TANC2: variants seen among roughly 807,000 people sequenced by gnomAD.
The protein encoded by TANC2 is tetratricopeptide repeat, ankyrin repeat and coiled-coil containing 2.
In TANC2, 26 loss-of-function variants were observed where a neutral mutation model predicts 210.5. That is an observed-to-expected ratio of 0.12 (90% confidence interval 0.09 to 0.17). The LOEUF (loss-of-function observed/expected upper bound fraction) is 0.17. Ranked by LOEUF, TANC2 falls within the 10% of genes least tolerant of loss-of-function variation. The probability of loss-of-function intolerance (pLI) is 1.00; values close to 1 mark genes in which losing one functional copy is unlikely to be tolerated. For missense variants in TANC2, 2,129 were observed against 2,608.9 expected (o/e 0.82, Z 4.01); for synonymous variants, 931 against 967.1 (o/e 0.96, Z 0.69).
intron 2 of TANC2, among the ~76,000 whole-genome samples, chr17:63,059,660 A>G (rs1225206033): frequency 1.3e-5 from 2 of 151,646 alleles, no homozygotes; most frequent in Non-Finnish European, 2.9e-5. Context: ...TTTCTTGTCA[A>G]CCTCAGAATG....
At chr17:63,020,486 A>G (rs550327999) in intron 2 of TANC2, among the ~76,000 whole-genome samples, 8 of 152,234 alleles carry the variant, frequency 5.3e-5, no homozygotes, top group African/African-American at 1.9e-4. Flanking sequence ...AATTTTTTTT[A>G]TAGAGACGAG....
chr17:63,384,591 T>C (rs2047717326), intron 15 of TANC2, among the ~76,000 whole-genome samples: 1 of 152,164 alleles, frequency 6.6e-6, no homozygotes, highest in Admixed American at 6.5e-5. Flanking sequence ...TTTATATCTT[T>C]CCCTTACCCC....
At chr17:63,394,245 C>A (rs1326584734) in intron 17 of TANC2, among the ~76,000 whole-genome samples, 1 of 152,078 alleles carries the variant, frequency 6.6e-6, no homozygotes, top group Non-Finnish European at 1.5e-5. Context: ...TATTTTATTC[C>A]ATAGCCTGAA....
intron 3 of TANC2, among the ~76,000 whole-genome samples, chr17:63,082,010 A>G (rs1285961439): frequency 7.4e-6 from 1 of 134,560 alleles, no homozygotes; most frequent in Non-Finnish European, 1.5e-5. Context: ...CTAAAAATAC[A>G]AAAAAAAAAA....
chr17:63,076,981 T>G (rs1217798057), intron 3 of TANC2, among the ~76,000 whole-genome samples: 1 of 152,170 alleles, frequency 6.6e-6, no homozygotes, highest in Non-Finnish European at 1.5e-5. Context: ...AAAGAAATCA[T>G]CAAGATGATT....
intron 2 of TANC2, among the ~76,000 whole-genome samples, chr17:63,043,194 GTC>G (rs2035255015): frequency 6.6e-6 from 1 of 152,002 alleles, no homozygotes; most frequent in South Asian, 2.1e-4. Context: ...CACGTATCTT[GTC>G]TCTCACATTG....
chr17:63,333,900 A>G (rs1299957759), intron 11 of TANC2: 1 of 152,238 alleles, frequency 6.6e-6, no homozygotes, highest in Non-Finnish European at 1.5e-5. Context: ...ATTTTTAACA[A>G]TAAAGTATTT....
chr17:62,967,763 C>G (rs2031437227), intron 1 of TANC2: 1 of 150,966 alleles, frequency 6.6e-6, no homozygotes, highest in Non-Finnish European at 1.5e-5. Flanking sequence ...GTATCTATCA[C>G]AATGGTTAAT....
chr17:63,074,543 G>A (rs1049387824), intron 3 of TANC2, among the ~76,000 whole-genome samples: 2 of 152,086 alleles, frequency 1.3e-5, no homozygotes, highest in Non-Finnish European at 2.9e-5. Flanking sequence ...GAAATACCCA[G>A]TTAGACCTTT....
chr17:63,103,245 C>T (rs1251870035), intron 4 of TANC2, among the ~76,000 whole-genome samples: 5 of 152,172 alleles, frequency 3.3e-5, no homozygotes, highest in Non-Finnish European at 5.9e-5. Context: ...CCTTTATACT[C>T]TTAACATATT....
At chr17:63,021,322 C>T (rs1030242428) in intron 2 of TANC2, among the ~76,000 whole-genome samples, 5 of 152,100 alleles carry the variant, frequency 3.3e-5, no homozygotes, top group Non-Finnish European at 7.4e-5. Context: ...GCATGGTCCC[C>T]GATGTGGTAG....
chr17:63,356,803 T>A lies in TANC2; in HGVS notation c.2582+1413T>A, dbSNP rs566015649. 1.3e-4 allele frequency among the ~76,000 whole-genome samples: 20 copies of A among 152,294 alleles called. No individual in the cohort carries two copies. The East Asian group carries it at 3.7e-3, about 28-fold the overall frequency. ...TCTACATAAGAGCAATAATAATGCC[T>A]TTTTTCTAGAGTTGTTGAGAAGTTA... On this transcript the variant is annotated intron_variant, in intron 14 of 27. Coordinates refer to ENST00000689528, the Ensembl canonical transcript of TANC2.
intron 15 of TANC2, among the ~76,000 whole-genome samples, chr17:63,382,208 A>G (rs977628486): frequency 1.3e-5 from 2 of 152,242 alleles, no homozygotes; most frequent in African/African-American, 4.8e-5. Context: ...TATCTAGTCC[A>G]GCCTCAGTGC....
At chr17:63,009,007 A>G (rs1427724900) in intron 1 of TANC2, among the ~76,000 whole-genome samples, 1 of 152,184 alleles carries the variant, frequency 6.6e-6, no homozygotes, top group Non-Finnish European at 1.5e-5. Flanking sequence ...AGGGTGGTCA[A>G]AAGTATTGTA....
chr17:63,423,102 C>T (rs1023492242), exon 28 of TANC2: 1 of 152,310 alleles, frequency 6.6e-6, no homozygotes, highest in Admixed American at 6.5e-5. Context: ...GGGTCATGCC[C>T]GTTGTTGTCT....
intron 9 of TANC2, among the ~76,000 whole-genome samples, chr17:63,278,482 GT>G (rs975454914): frequency 2.0e-5 from 3 of 152,120 alleles, no homozygotes; most frequent in African/African-American, 7.2e-5. Context: ...AGAATAACAA[GT>G]GTTGGTGAGG....
intron 2 of TANC2, among the ~76,000 whole-genome samples, chr17:63,019,142 C>T (rs1465165561): frequency 6.6e-6 from 1 of 152,160 alleles, no homozygotes; most frequent in Non-Finnish European, 1.5e-5. Flanking sequence ...TACATTCCCA[C>T]CAGCAATGTA....
chr17:63,169,505 C>T (rs1297643136), intron 5 of TANC2, among the ~76,000 whole-genome samples: 1 of 152,094 alleles, frequency 6.6e-6, no homozygotes, highest in African/African-American at 2.4e-5. Flanking sequence ...GATTCATCAC[C>T]ATCATGTCAG....
intron 7 of TANC2, among the ~76,000 whole-genome samples, chr17:63,223,586 GTA>G (rs10616371): frequency 0.59 from 87,675 of 149,252 alleles, 27,815 homozygotes; most frequent in African/African-American, 0.84. Context: ...TATATATAGT[GTA>G]TATATATATA....
Sources: allele counts gnomAD v4.1 joint callset (sites outside exome capture counted in the v4.1 genomes callset), GRCh38; gene constraint gnomAD v4.1.1; transcripts MANE v1.5; gene names NCBI Gene and HGNC (gene_info 2026-07-23, HGNC 2026-07-21).